Variants in WDFY3 observed in about 807,000 individuals in gnomAD.
WDFY3 encodes the protein WD repeat and FYVE domain-containing protein 3.
WDFY3 carries 66 observed loss-of-function variants against 409.6 expected under a neutral mutation model. The ratio of observed to expected loss-of-function variants is 0.16; its 90% CI spans 0.13 to 0.20. The LOEUF (loss-of-function observed/expected upper bound fraction) is 0.20. WDFY3 is among the 10% of genes least tolerant of loss of function. The pLI is 1.00. For synonymous variants in WDFY3, 1,521 were observed against 1,537.1 expected (o/e 0.99, Z 0.25); for missense variants, 3,031 against 4,298.1 (o/e 0.71, Z 8.24).
Position 84,829,021 on chromosome 4 carries a change from A to G in WDFY3, c.939T>C (p.Leu313=). The change falls in exon 9 of 68, where the codon CTT becomes CTC. Residue 313 remains leucine, a synonymous_variant. Transcript: ENST00000295888. Reference sequence around the variant, plus strand: ...AGTCTTACCTAAGCAAGAGATCACAAAGAAAATTATATCCTTGCCATATCC... The same window carrying G: ...AGTCTTACCTAAGCAAGAGATCACAGAGAAAATTATATCCTTGCCATATCC... ...DFRIWQGYNF[L]CDLLLRLEQA... is the part of the protein sequence containing the mutation. 6.2e-7 allele frequency: 1 copy of G among 1,610,700 alleles called. No individual in the cohort carries two copies.
At chr4:84,706,813 C>T (rs2148969225) in intron 53 of WDFY3, among the ~76,000 whole-genome samples, 1 of 152,076 alleles carries the variant, frequency 6.6e-6, no homozygotes, top group Admixed American at 6.6e-5. Flanking sequence ...GATAGCAGTT[C>T]TGGGAGTATA....
chr4:84,770,538 C>G (rs1168973300), intron 30 of WDFY3, among the ~76,000 whole-genome samples: 3 of 152,124 alleles, frequency 2.0e-5, no homozygotes, highest in African/African-American at 4.8e-5. Flanking sequence ...AACTAACGCT[C>G]AGGCTAAAGT....
At chr4:84,713,297 G>T in intron 50 of WDFY3, 58 bp from the exon 51 acceptor site, 1 of 1,472,592 alleles carries the variant, frequency 6.8e-7, no homozygotes, top group East Asian at 2.3e-5. Flanking sequence ...GATCTAATGG[G>T]AAGCCTAAGA....
chr4:84,816,629 T>C (rs1753339589), intron 13 of WDFY3, among the ~76,000 whole-genome samples: 4 of 152,142 alleles, frequency 2.6e-5, no homozygotes, highest in Admixed American at 6.6e-5. Context: ...ACTTTTCCAT[T>C]ACTCCTTACT....
At position 84,948,399 on chromosome 4, in the gene WDFY3, T is replaced by C. The variant is rs138230222; in HGVS notation, c.-225-16036A>G. Among the ~76,000 whole-genome samples, 18 of 152,226 alleles carry C rather than the reference T, an allele frequency of 1.2e-4. No individual in the cohort carries two copies. In the East Asian group the frequency reaches 3.1e-3, roughly 26 times the overall value. ...AATGCCAATAAAGCAGACTAAATGATTACTGATCAACAATACTTAATAGTA... is the reference window on the plus strand; with the variant it reads ...AATGCCAATAAAGCAGACTAAATGACTACTGATCAACAATACTTAATAGTA... On this transcript the variant is annotated intron_variant, in intron 1 of 67. Transcript: ENST00000295888.
chr4:84,873,888 TTCTCCTG>T (rs903507811), intron 3 of WDFY3, among the ~76,000 whole-genome samples: 1 of 151,878 alleles, frequency 6.6e-6, no homozygotes, highest in African/African-American at 2.4e-5. Context: ...ACTTAGGTAA[TTCTCCTG>T]TCTCGGCCTC....
Position 84,821,495 on chromosome 4 carries a change from C to T in WDFY3, c.1180G>A (p.Ala394Thr). Residue 394 changes from alanine to threonine, a missense_variant, in exon 11 of 68, where the codon GCA (alanine) becomes ACA (threonine). By Grantham distance (58) the Ala-to-Thr change is moderately conservative. Transcript: ENST00000295888. ...ATTTGGGCAAGGAAGCTGGTTTTTG[C>T]TTTTAAAAATGCATTCTGAAGAACT... ...FAVLQNAFLK[A>T]KTSFLAQIIL... 2 of 1,613,744 alleles carry T rather than the reference C, an allele frequency of 1.2e-6. No individual in the cohort carries two copies. The highest frequency in any genetic ancestry group is 1.7e-6 in the Non-Finnish European group (2 of 1,179,796).
intron 1 of WDFY3, among the ~76,000 whole-genome samples, chr4:84,938,739 C>A (rs532605111): frequency 1.2e-4 from 19 of 152,288 alleles, no homozygotes; most frequent in African/African-American, 4.6e-4. Flanking sequence ...TCAGCCATTA[C>A]TAATGTCACC....
chr4:84,923,220 G>T (rs1769513673), intron 2 of WDFY3, among the ~76,000 whole-genome samples: 1 of 152,180 alleles, frequency 6.6e-6, no homozygotes, highest in Non-Finnish European at 1.5e-5. Flanking sequence ...AGTAGGAGAT[G>T]AAATTCCCAT....
At chr4:84,816,726 T>C (rs534755532) in intron 13 of WDFY3, among the ~76,000 whole-genome samples, 1 of 152,242 alleles carries the variant, frequency 6.6e-6, no homozygotes, top group Admixed American at 6.5e-5. Context: ...TTTCTTATAA[T>C]ATCAATAACC....
At chr4:84,753,996 T>A in intron 34 of WDFY3, 120 bp from the exon 35 acceptor site, 1 of 1,110,816 alleles carries the variant, frequency 9.0e-7, no homozygotes, top group Non-Finnish European at 1.2e-6. Context: ...TCCAGAACTC[T>A]GTAAACCACA....
intron 1 of WDFY3, among the ~76,000 whole-genome samples, chr4:84,961,074 G>A (rs566932043): frequency 1.3e-5 from 2 of 152,016 alleles, no homozygotes; most frequent in Non-Finnish European, 2.9e-5. Context: ...AATTAGCCGG[G>A]CGTGGTGGCG....
chr4:84,714,949 C>CAAAAAAAAAAAA (rs770343929), intron 50 of WDFY3, among the ~76,000 whole-genome samples: 1 of 73,102 alleles, frequency 1.4e-5, no homozygotes, highest in African/African-American at 5.0e-5. Flanking sequence ...GACTCCGTCT[C>CAAAAAAAAAAAA]AAAAAAAAAA....
chr4:84,771,674 C>T (rs1744705677), intron 30 of WDFY3, among the ~76,000 whole-genome samples: 1 of 152,080 alleles, frequency 6.6e-6, no homozygotes, highest in African/African-American at 2.4e-5. Context: ...TCTTTTTGGG[C>T]TGCAGTTTCC....
intron 3 of WDFY3, among the ~76,000 whole-genome samples, chr4:84,874,619 A>T (rs968887553): frequency 6.6e-6 from 1 of 152,052 alleles, no homozygotes; most frequent in Non-Finnish European, 1.5e-5. Flanking sequence ...TATTATGTAT[A>T]TTGTTTTCTC....
At chr4:84,693,622 G>A (rs1039045793) in intron 58 of WDFY3, among the ~76,000 whole-genome samples, 6 of 152,206 alleles carry the variant, frequency 3.9e-5, no homozygotes, top group Non-Finnish European at 5.9e-5. Flanking sequence ...TAATGGCTGG[G>A]TGAGGTGGCT....
chr4:84,829,517 T>G (rs780648858), intron 8 of WDFY3, among the ~76,000 whole-genome samples: 3 of 152,118 alleles, frequency 2.0e-5, no homozygotes, highest in African/African-American at 7.2e-5. Context: ...TATATTGATA[T>G]AGTAACAAGA....
chr4:84,921,646 A>ATTTTTTTTTTTTTTTTT (rs747576197), intron 2 of WDFY3, among the ~76,000 whole-genome samples: 2 of 78,666 alleles, frequency 2.5e-5, no homozygotes, highest in East Asian at 3.5e-4. Flanking sequence ...TATTGCTTTC[A>ATTTTTTTTTTTTTTTTT]TTTTTTTTTT....
Position 84,839,596 on chromosome 4 carries a change from G to A in WDFY3, c.414+1558C>T, listed in dbSNP as rs550450805. Among the ~76,000 whole-genome samples the A allele has an allele frequency of 7.3e-4, 111 of 151,648 alleles. 2 individuals carry two copies. The South Asian group carries it at 0.022, about 31-fold the overall frequency. ...AAGAGGGCCAGGCACAGTGGCTCAC[G>A]CCTGTAATCCCAGCACTTTGGGAGG... is the stretch of plus-strand genomic sequence containing the variant. On this transcript the variant is annotated intron_variant, in intron 6 of 67. Transcript: ENST00000295888.
Sources: gnomAD v4.1 joint callset for allele counts (sites outside exome capture counted in the v4.1 genomes callset) on GRCh38, gnomAD v4.1.1 for gene constraint, MANE v1.5 for transcripts, NCBI Gene and HGNC (gene_info 2026-07-23, HGNC 2026-07-21) for gene names.